Variants in FHIT observed in about 807,000 individuals in gnomAD.
FHIT encodes fragile histidine triad diadenosine triphosphatase.
In FHIT, 19 loss-of-function variants were observed where a neutral mutation model predicts 17.9. The ratio of observed to expected loss-of-function variants is 1.06; its 90% CI spans 0.74 to 1.56. The LOEUF is 1.56. Ranked by LOEUF, FHIT falls within the 40% of genes most tolerant of loss-of-function variation. FHIT has a pLI of 0.00. For missense variants in FHIT, 248 were observed against 189.2 expected (o/e 1.31, Z -1.82); for synonymous variants, 81 against 69.7 (o/e 1.16, Z -0.81).
intron 5 of FHIT, among the ~76,000 whole-genome samples, chr3:60,201,987 C>T (rs1702933152): frequency 6.6e-6 from 1 of 152,220 alleles, no homozygotes; most frequent in South Asian, 2.1e-4. Flanking sequence ...CCCAGGATTG[C>T]CCACATATGT....
At chr3:60,887,710 AG>A (rs1419181631) in intron 3 of FHIT, among the ~76,000 whole-genome samples, 2 of 152,178 alleles carry the variant, frequency 1.3e-5, no homozygotes, top group African/African-American at 2.4e-5. Flanking sequence ...TTACCAAAAA[AG>A]GGTTCTGACT....
chr3:60,394,793 C>T (rs1420887134), intron 5 of FHIT, among the ~76,000 whole-genome samples: 1 of 152,178 alleles, frequency 6.6e-6, no homozygotes, highest in African/African-American at 2.4e-5. Flanking sequence ...ATCACTACCA[C>T]TGTTACCACT....
chr3:60,183,950 T>C (rs537314939), intron 5 of FHIT, among the ~76,000 whole-genome samples: 2 of 152,116 alleles, frequency 1.3e-5, no homozygotes, highest in African/African-American at 4.8e-5. Flanking sequence ...GTTGTTACAA[T>C]CACTGAACTA....
intron 4 of FHIT, among the ~76,000 whole-genome samples, chr3:60,625,264 T>G (rs1553680510): frequency 6.6e-6 from 1 of 152,244 alleles, no homozygotes; most frequent in African/African-American, 2.4e-5. Flanking sequence ...GTACAAGCTT[T>G]TGAGTGGACA....
intron 2 of FHIT, among the ~76,000 whole-genome samples, chr3:61,089,914 T>C (rs1575992732): frequency 6.6e-6 from 1 of 152,206 alleles, no homozygotes; most frequent in Admixed American, 6.5e-5. Context: ...AAATGGAATA[T>C]TCCCTTCGCA....
chr3:60,124,706 T>C (rs963487150), intron 5 of FHIT, among the ~76,000 whole-genome samples: 17 of 152,236 alleles, frequency 1.1e-4, no homozygotes, highest in Admixed American at 2.6e-4. Context: ...CCTTAGGTTA[T>C]ACTCCTTAGC....
intron 5 of FHIT, among the ~76,000 whole-genome samples, chr3:60,495,742 G>A (rs549400562): frequency 6.6e-6 from 1 of 152,148 alleles, no homozygotes; most frequent in South Asian, 2.1e-4. Context: ...AAAATCATTT[G>A]AAAGAGTCAA....
chr3:60,256,146 T>C (rs1481934988), intron 5 of FHIT, among the ~76,000 whole-genome samples: 1 of 152,192 alleles, frequency 6.6e-6, no homozygotes, highest in African/African-American at 2.4e-5. Context: ...ATTTGTCTTC[T>C]TGACTCTCCC....
intron 5 of FHIT, among the ~76,000 whole-genome samples, chr3:60,045,108 C>T (rs1382138363): frequency 6.6e-6 from 1 of 151,994 alleles, no homozygotes. Flanking sequence ...GTTTCAGTTT[C>T]GTAAGATGAG....
At chr3:60,444,613 C>G (rs1213371852) in intron 5 of FHIT, among the ~76,000 whole-genome samples, 1 of 152,050 alleles carries the variant, frequency 6.6e-6, no homozygotes, top group Admixed American at 6.6e-5. Context: ...CCAAACACCG[C>G]ATGTTCTCAC....
intron 5 of FHIT, among the ~76,000 whole-genome samples, chr3:60,242,307 A>C (rs546158824): frequency 3.9e-5 from 6 of 152,190 alleles, no homozygotes; most frequent in Admixed American, 3.9e-4. Context: ...ATCCTATAAT[A>C]TTTCATGTTG....
chr3:60,195,432 A>G (rs1175324011), intron 5 of FHIT, among the ~76,000 whole-genome samples: 1 of 151,368 alleles, frequency 6.6e-6, no homozygotes, highest in Non-Finnish European at 1.5e-5. Flanking sequence ...AAAGTAAGTC[A>G]TGAGATCAAA....
intron 5 of FHIT, among the ~76,000 whole-genome samples, chr3:60,461,450 A>ATGTCAT (rs1559933682): frequency 2.6e-5 from 4 of 151,266 alleles, no homozygotes. Context: ...TAATAAAACA[A>ATGTCAT]TATGTCATCT....
At chr3:60,543,285 G>C (rs756971437) in intron 4 of FHIT, among the ~76,000 whole-genome samples, 1 of 152,050 alleles carries the variant, frequency 6.6e-6, no homozygotes, top group Non-Finnish European at 1.5e-5. Context: ...AGCTCCTGCT[G>C]TATCTTGTTA....
intron 3 of FHIT, among the ~76,000 whole-genome samples, chr3:60,926,465 G>C (rs183951582): frequency 6.6e-6 from 1 of 152,134 alleles, no homozygotes; most frequent in Non-Finnish European, 1.5e-5. Flanking sequence ...TACTGGGTAC[G>C]TCGCGAAATG....
chr3:60,983,890 A>T (rs1331018705), intron 3 of FHIT, among the ~76,000 whole-genome samples: 1 of 152,208 alleles, frequency 6.6e-6, no homozygotes, highest in African/African-American at 2.4e-5. Context: ...CAGCCACTAC[A>T]TCACAACAGT....
At chr3:60,454,177 T>C (rs554997688) in intron 5 of FHIT, among the ~76,000 whole-genome samples, 13 of 152,234 alleles carry the variant, frequency 8.5e-5, no homozygotes, top group African/African-American at 2.9e-4. Context: ...TTCAGTTTGA[T>C]GTGAAGAGAA....
chr3:60,555,117 C>G (rs2036699708), intron 4 of FHIT, among the ~76,000 whole-genome samples: 1 of 152,176 alleles, frequency 6.6e-6, no homozygotes, highest in African/African-American at 2.4e-5. Flanking sequence ...TCCTTCAATC[C>G]TGTTTATTAG....
chr3:60,052,143 G>A (rs1701905428), intron 5 of FHIT, among the ~76,000 whole-genome samples: 1 of 152,144 alleles, frequency 6.6e-6, no homozygotes, highest in Non-Finnish European at 1.5e-5. Flanking sequence ...ACTTGGAACA[G>A]AGGTGAATGT....
Sources: gnomAD v4.1 joint callset for allele counts (sites outside exome capture counted in the v4.1 genomes callset) on GRCh38, gnomAD v4.1.1 for gene constraint, MANE v1.5 for transcripts, NCBI Gene and HGNC (gene_info 2026-07-23, HGNC 2026-07-21) for gene names.